Variants in ASIC2 observed in about 807,000 individuals in gnomAD.
ASIC2 encodes acid sensing ion channel subunit 2, also known as acid-sensing ion channel 2.
In ASIC2, 25 loss-of-function variants were observed where a neutral mutation model predicts 57.3. That is an observed-to-expected ratio of 0.44 (90% confidence interval 0.32 to 0.61). The LOEUF is 0.61. Ranked by LOEUF, ASIC2 falls within the 20% of genes least tolerant of loss-of-function variation. ASIC2 has a pLI of 0.06. For missense variants in ASIC2, 641 were observed against 738.1 expected (o/e 0.87, Z 1.52); for synonymous variants, 319 against 307.5 (o/e 1.04, Z -0.39).
At chr17:33,534,852 A>G (rs1915173823) in intron 1 of ASIC2, among the ~76,000 whole-genome samples, 1 of 152,234 alleles carries the variant, frequency 6.6e-6, no homozygotes, top group Non-Finnish European at 1.5e-5. Flanking sequence ...TTGAGAGAAG[A>G]AGTGCACATT....
intron 3 of ASIC2, among the ~76,000 whole-genome samples, chr17:33,085,049 A>C (rs1288408164): frequency 6.6e-6 from 1 of 152,202 alleles, no homozygotes; most frequent in Non-Finnish European, 1.5e-5. Flanking sequence ...CCATTTATAC[A>C]AAGATTCATG....
chr17:33,791,447 T>C lies in ASIC2; in HGVS notation c.555+364531A>G, dbSNP rs191798133. On this transcript the variant is annotated intron_variant, in intron 1 of 9. Coordinates refer to the ASIC2 transcript ENST00000359872. ...AGTCTCGCCATGACCCTGGACCCCATTGGGCAGGGGAACTGGATTCCAACA... is the reference window on the plus strand; with the variant it reads ...AGTCTCGCCATGACCCTGGACCCCACTGGGCAGGGGAACTGGATTCCAACA... Among the ~76,000 whole-genome samples, 121 of 152,318 alleles carry C rather than the reference T, an allele frequency of 7.9e-4. 1 individual carries two copies. Among genetic ancestry groups the C allele is most frequent in the South Asian group, 4.1e-4 (2 of 4,820 alleles).
At chr17:33,829,280 C>T (rs916119911) in intron 1 of ASIC2, among the ~76,000 whole-genome samples, 10 of 152,314 alleles carry the variant, frequency 6.6e-5, no homozygotes, top group South Asian at 2.1e-4. Context: ...GACATAGAAA[C>T]AGAGTGCATT....
At chr17:34,116,913 A>T (rs938611256) in intron 1 of ASIC2, among the ~76,000 whole-genome samples, 1 of 152,108 alleles carries the variant, frequency 6.6e-6, no homozygotes, top group African/African-American at 2.4e-5. Flanking sequence ...TACCAAGTGT[A>T]TGCAATGTGA....
intron 1 of ASIC2, among the ~76,000 whole-genome samples, chr17:33,642,633 G>C (rs373350295): frequency 2.2e-4 from 34 of 152,272 alleles, no homozygotes; most frequent in African/African-American, 7.7e-4. Context: ...TCAGAAGTCA[G>C]GATATCCCTT....
chr17:33,349,295 A>T (rs1481228848), intron 1 of ASIC2, among the ~76,000 whole-genome samples: 1 of 152,218 alleles, frequency 6.6e-6, no homozygotes, highest in African/African-American at 2.4e-5. Context: ...CAAATAAAAC[A>T]TGTGTGAGGG....
chr17:33,028,505 T>C, intron 3 of ASIC2, 113 bp from the exon 4 acceptor site: 7 of 1,334,870 alleles, frequency 5.2e-6, no homozygotes, highest in Non-Finnish European at 6.2e-6. Context: ...ATTAACTTTA[T>C]AGACCTTCAA....
At chr17:33,906,754 A>G (rs1243875182) in intron 1 of ASIC2, among the ~76,000 whole-genome samples, 1 of 152,190 alleles carries the variant, frequency 6.6e-6, no homozygotes, top group East Asian at 1.9e-4. Context: ...CATTTTGGTG[A>G]AAAAGGATCT....
intron 1 of ASIC2, chr17:34,005,028 A>G (rs1906476655): frequency 6.6e-6 from 1 of 152,112 alleles, no homozygotes. Context: ...GACTAGACCT[A>G]ATGCTATGCA....
chr17:33,659,452 C>T (rs1907180413), intron 1 of ASIC2, among the ~76,000 whole-genome samples: 1 of 152,184 alleles, frequency 6.6e-6, no homozygotes, highest in African/African-American at 2.4e-5. Flanking sequence ...CCTATTGCTC[C>T]TAGGCCACAA....
At chr17:33,826,743 G>GGTGGA (rs894836447) in intron 1 of ASIC2, among the ~76,000 whole-genome samples, 9 of 152,264 alleles carry the variant, frequency 5.9e-5, no homozygotes, top group African/African-American at 2.2e-4. Flanking sequence ...ATGTTCTAGG[G>GGTGGA]GTGGAGTAGG....
intron 1 of ASIC2, among the ~76,000 whole-genome samples, chr17:33,348,689 T>A (rs1908047034): frequency 6.6e-6 from 1 of 152,066 alleles, no homozygotes; most frequent in Non-Finnish European, 1.5e-5. Context: ...GTAGTGGGGA[T>A]CTCAGCTGAA....
intron 1 of ASIC2, among the ~76,000 whole-genome samples, chr17:33,636,304 C>G (rs1346378765): frequency 6.6e-6 from 1 of 152,228 alleles, no homozygotes; most frequent in South Asian, 2.1e-4. Context: ...CTGAGTTTGA[C>G]CATTAAAATA....
At chr17:33,817,095 G>A (rs748257957) in intron 1 of ASIC2, among the ~76,000 whole-genome samples, 7 of 152,192 alleles carry the variant, frequency 4.6e-5, no homozygotes, top group Non-Finnish European at 1.0e-4. Flanking sequence ...TAGGAGCACC[G>A]AAGCCTGGCC....
intron 3 of ASIC2, among the ~76,000 whole-genome samples, chr17:33,079,110 A>G (rs956865925): frequency 6.6e-6 from 1 of 152,212 alleles, no homozygotes; most frequent in Non-Finnish European, 1.5e-5. Context: ...ACATTTATTT[A>G]TTCGTTCATT....
At chr17:33,323,722 C>G (rs1019094863) in intron 1 of ASIC2, among the ~76,000 whole-genome samples, 1 of 152,140 alleles carries the variant, frequency 6.6e-6, no homozygotes, top group Non-Finnish European at 1.5e-5. Flanking sequence ...CCCCACCACA[C>G]CCCCGCCCCA....
At chr17:33,384,498 T>C (rs1231442984) in intron 1 of ASIC2, among the ~76,000 whole-genome samples, 1 of 152,124 alleles carries the variant, frequency 6.6e-6, no homozygotes, top group Non-Finnish European at 1.5e-5. Flanking sequence ...CCAGGTGCCA[T>C]CCACATTTGA....
chr17:33,831,522 T>C (rs1913110623), intron 1 of ASIC2, among the ~76,000 whole-genome samples: 1 of 151,942 alleles, frequency 6.6e-6, no homozygotes, highest in South Asian at 2.1e-4. Flanking sequence ...TGGATGAGAC[T>C]ATCATTAGGC....
intron 1 of ASIC2, among the ~76,000 whole-genome samples, chr17:33,183,232 T>C (rs1238960487): frequency 6.6e-6 from 1 of 152,196 alleles, no homozygotes; most frequent in Non-Finnish European, 1.5e-5. Context: ...GCCAAAACAG[T>C]TTTTATTAAC....
Sources: allele counts gnomAD v4.1 joint callset (sites outside exome capture counted in the v4.1 genomes callset), GRCh38; gene constraint gnomAD v4.1.1; transcripts MANE v1.5; gene names NCBI Gene and HGNC (gene_info 2026-07-23, HGNC 2026-07-21).